The following ROBO2 variants were observed in gnomAD, a reference collection of about 807,000 sequenced individuals.
ROBO2 encodes roundabout guidance receptor 2.
In ROBO2, 53 loss-of-function variants were observed where a neutral mutation model predicts 160.8. That is an observed-to-expected ratio of 0.33 (90% CI 0.26 to 0.41). The LOEUF is 0.41. Among genes scored for constraint, ROBO2 ranks in the 10% least tolerant of loss-of-function variants. ROBO2 has a pLI of 1.00. For synonymous variants in ROBO2, 664 were observed against 611.7 expected (o/e 1.09, Z -1.26); for missense variants, 1,577 against 1,722.4 (o/e 0.92, Z 1.49).
intron 2 of ROBO2, among the ~76,000 whole-genome samples, chr3:76,901,663 A>G (rs1039878822): frequency 1.3e-5 from 2 of 151,458 alleles, no homozygotes; most frequent in Admixed American, 1.3e-4. Context: ...GACACTTTTA[A>G]TTCAAGAAGA....
At chr3:77,313,221 G>A (rs1477550764) in intron 2 of ROBO2, among the ~76,000 whole-genome samples, 1 of 151,966 alleles carries the variant, frequency 6.6e-6, no homozygotes, top group African/African-American at 2.4e-5. Context: ...AAAGTTCAGT[G>A]GTTTTTCCAT....
intron 2 of ROBO2, among the ~76,000 whole-genome samples, chr3:76,793,648 T>C (rs1418193483): frequency 6.6e-6 from 1 of 151,924 alleles, no homozygotes; most frequent in Non-Finnish European, 1.5e-5. Context: ...GTGCACAATG[T>C]GCAGGTTTGT....
chr3:77,243,312 T>G (rs796111504), intron 2 of ROBO2, among the ~76,000 whole-genome samples: 34 of 152,314 alleles, frequency 2.2e-4, no homozygotes, highest in African/African-American at 7.5e-4. Flanking sequence ...AATTCAGCCC[T>G]TTGAATAATC....
intron 2 of ROBO2, among the ~76,000 whole-genome samples, chr3:76,227,469 C>G (rs150865941): frequency 6.6e-6 from 1 of 152,050 alleles, no homozygotes; most frequent in Non-Finnish European, 1.5e-5. Flanking sequence ...ATAAATCTTA[C>G]GATAGTTAAT....
chr3:76,067,559 G>T (rs1445084873), intron 2 of ROBO2, among the ~76,000 whole-genome samples: 1 of 151,912 alleles, frequency 6.6e-6, no homozygotes, highest in Non-Finnish European at 1.5e-5. Context: ...ATACAATTAA[G>T]TAGAAAAGGA....
At chr3:77,075,346 G>A (rs1238499668) in intron 1 of ROBO2, among the ~76,000 whole-genome samples, 1 of 152,120 alleles carries the variant, frequency 6.6e-6, no homozygotes, top group African/African-American at 2.4e-5. Context: ...AGGCAATTGG[G>A]AACTTCAGTA....
At chr3:77,419,003 A>G (rs1029508213) in intron 2 of ROBO2, among the ~76,000 whole-genome samples, 3 of 152,156 alleles carry the variant, frequency 2.0e-5, no homozygotes, top group African/African-American at 7.2e-5. Context: ...TTCCTTCTTC[A>G]TTCAAGAGGC....
chr3:76,620,356 T>G (rs2088966776), intron 2 of ROBO2, among the ~76,000 whole-genome samples: 1 of 152,226 alleles, frequency 6.6e-6, no homozygotes. Flanking sequence ...GAGATTAACT[T>G]GCATCATTTG....
Position 76,513,087 on chromosome 3 carries a change from C to T in ROBO2, c.109+575485C>T, listed in dbSNP as rs78508390. On this transcript the variant is annotated intron_variant, in intron 2 of 26. Transcript: ENST00000487694. ...GAATGGAGAGTCATGGTACTACTACCTTAGAAAGTTGATCAAGGAAGTTCT... is the reference window on the plus strand; with the variant it reads ...GAATGGAGAGTCATGGTACTACTACTTTAGAAAGTTGATCAAGGAAGTTCT... Among the ~76,000 whole-genome samples the T allele has an allele frequency of 5.9e-3, 894 of 152,186 alleles. 8 individuals carry two copies. Among genetic ancestry groups the T allele is most frequent in the African/African-American group, 0.021 (859 of 41,534 alleles).
intron 19 of ROBO2, among the ~76,000 whole-genome samples, chr3:77,599,457 T>C (rs1237696394): frequency 2.5e-5 from 3 of 121,712 alleles, no homozygotes; most frequent in African/African-American, 3.2e-5. Flanking sequence ...TGAGAACACA[T>C]GGACACAGGA....
chr3:76,095,981 A>G (rs1447552625), intron 2 of ROBO2, among the ~76,000 whole-genome samples: 2 of 152,204 alleles, frequency 1.3e-5, no homozygotes, highest in Admixed American at 1.3e-4. Context: ...CAAGTCATGT[A>G]CTTAAGTGAA....
intron 2 of ROBO2, among the ~76,000 whole-genome samples, chr3:77,145,712 C>G (rs1160928552): frequency 6.6e-6 from 1 of 152,120 alleles, no homozygotes; most frequent in Non-Finnish European, 1.5e-5. Flanking sequence ...ATAAGTGTGG[C>G]ATAAACACAT....
At chr3:77,405,494 A>G (rs1008409766) in intron 2 of ROBO2, among the ~76,000 whole-genome samples, 10 of 152,092 alleles carry the variant, frequency 6.6e-5, no homozygotes, top group Admixed American at 6.6e-4. Flanking sequence ...TTTAAAGTGA[A>G]TGTGTGTTAT....
exon 6 of ROBO2, chr3:77,522,860 C>A: frequency 6.2e-7 from 1 of 1,609,478 alleles, no homozygotes; most frequent in Non-Finnish European, 8.5e-7. Context: ...TGCTGAGAAT[C>A]GGGTTGGAAA....
chr3:76,654,913 G>GTGTATATATATATATATATA (rs536883164), intron 2 of ROBO2, among the ~76,000 whole-genome samples: 9 of 74,184 alleles, frequency 1.2e-4, no homozygotes, highest in African/African-American at 2.9e-4. Context: ...ATATGTGTGT[G>GTGTATATATATATATATATA]TATATATATA....
intron 2 of ROBO2, among the ~76,000 whole-genome samples, chr3:77,470,912 C>G (rs1427357440): frequency 1.3e-5 from 2 of 152,168 alleles, no homozygotes; most frequent in Non-Finnish European, 2.9e-5. Context: ...GCAGGAAAGA[C>G]TTGTGTTCAG....
chr3:77,103,126 A>G (rs1408942879), intron 2 of ROBO2, among the ~76,000 whole-genome samples: 3 of 152,150 alleles, frequency 2.0e-5, no homozygotes, highest in African/African-American at 4.8e-5. Flanking sequence ...CAGAGATTGT[A>G]GCTGCCTGTG....
chr3:76,003,783 C>T (rs2065950117), intron 2 of ROBO2, among the ~76,000 whole-genome samples: 1 of 152,186 alleles, frequency 6.6e-6, no homozygotes, highest in Admixed American at 6.5e-5. Context: ...ACTAATCCCT[C>T]ACGGAGAACG....
intron 2 of ROBO2, among the ~76,000 whole-genome samples, chr3:75,961,145 G>A (rs1948896519): frequency 6.6e-6 from 1 of 151,446 alleles, no homozygotes; most frequent in Non-Finnish European, 1.5e-5. Context: ...AGTCTATTTT[G>A]CTTTCTTATT....
Sources: allele counts gnomAD v4.1 joint callset (sites outside exome capture counted in the v4.1 genomes callset), GRCh38; gene constraint gnomAD v4.1.1; transcripts MANE v1.5; gene names NCBI Gene and HGNC (gene_info 2026-07-23, HGNC 2026-07-21).